The following LASP1 variants were observed in gnomAD, a reference collection of about 807,000 sequenced individuals.
LASP1 encodes LIM and SH3 domain protein 1.
In LASP1, 10 loss-of-function variants were observed where a neutral mutation model predicts 38.6. The ratio of observed to expected loss-of-function variants is 0.26; its 90% CI spans 0.16 to 0.44. The LOEUF (loss-of-function observed/expected upper bound fraction) is 0.44. Ranked by LOEUF, LASP1 falls within the 20% of genes least tolerant of loss-of-function variation. The probability of loss-of-function intolerance (pLI) is 1.00; values close to 1 mark genes in which losing one functional copy is unlikely to be tolerated. For synonymous variants in LASP1, 132 were observed against 140.8 expected (o/e 0.94, Z 0.44); for missense variants, 243 against 375.7 (o/e 0.65, Z 2.92).
intron 2 of LASP1, among the ~76,000 whole-genome samples, chr17:38,883,178 G>C (rs1017637037): frequency 6.6e-6 from 1 of 151,968 alleles, no homozygotes; most frequent in African/African-American, 2.4e-5. Context: ...AGGGTGGATC[G>C]CTTGAGGCCA....
At chr17:38,896,478 G>C (rs566043757) in intron 3 of LASP1, among the ~76,000 whole-genome samples, 5 of 152,196 alleles carry the variant, frequency 3.3e-5, no homozygotes, top group South Asian at 2.1e-4. Flanking sequence ...CAACAGGGAG[G>C]GGGAGGCAGA....
rs1915271644 is a variant in LASP1 at position 38,920,571 on chromosome 17, G to C, written c.*1793G>C. On this transcript the variant is annotated 3_prime_UTR_variant, in exon 7 of 7. Coordinates refer to ENST00000318008, the MANE Select transcript of LASP1 (RefSeq NM_006148.4). ...TCCCTTGGCACACTTGTACCCACAG[G>C]TGAGGGGCAGGACCTGAAGGTATTG... is the stretch of plus-strand genomic sequence containing the variant. The C allele has an allele frequency of 8.1e-6, 2 of 246,328 alleles. No individual in the cohort carries two copies. Among genetic ancestry groups the C allele is most frequent in the South Asian group, 2.9e-4 (2 of 6,970 alleles). 15.3% of individuals were successfully genotyped at this position (246,328 alleles called of 1,614,324 possible). A position where few individuals can be genotyped will look rare whatever the true frequency, so the allele number is the denominator to read the frequency against.
intron 1 of LASP1, among the ~76,000 whole-genome samples, chr17:38,875,926 G>A (rs1913757323): frequency 6.6e-6 from 1 of 152,118 alleles, no homozygotes; most frequent in Admixed American, 6.5e-5. Context: ...CCTTCTTTTG[G>A]AATGGGGAAT....
At position 38,902,716 on chromosome 17, in the gene LASP1, T is replaced by G. The variant is rs552997832; in HGVS notation, c.357+4197T>G. 1.6e-4 allele frequency among the ~76,000 whole-genome samples: 25 copies of G among 152,308 alleles called. No homozygotes were observed. In the South Asian group the frequency reaches 4.4e-3, roughly 27 times the overall value. On this transcript the variant is annotated intron_variant, in intron 4 of 6. Coordinates refer to ENST00000318008, the MANE Select transcript of LASP1 (RefSeq NM_006148.4). ...TATTTTTAATTTTAGTTTTATTTTA[T>G]TTTTGAGATAGAGTCTCGCTCTGTC...
chr17:38,870,399 G>A (rs1913565061), intron 1 of LASP1, 141 bp downstream of exon 1: 1 of 935,890 alleles, frequency 1.1e-6, no homozygotes, highest in Non-Finnish European at 1.6e-6. Context: ...GGTGTCATGG[G>A]GTGTGGGGAC....
Position 38,870,245 on chromosome 17 carries a change from A to ACTGT in LASP1, c.60_63dup (p.Asp22SerfsTer3). The ACTGT allele has an allele frequency of 6.2e-7, 1 of 1,613,488 alleles. No homozygotes were observed. The highest frequency in any genetic ancestry group is 8.5e-7 in the Non-Finnish European group (1 of 1,179,622). On this transcript the variant is annotated frameshift_variant, in exon 1 of 7. Coordinates refer to ENST00000318008, the MANE Select transcript of LASP1 (RefSeq NM_006148.4). LOFTEE classifies it high-confidence loss of function. ...ATCGTGTATCCCACGGAGAAGGTGA[A>ACTGT]CTGTCTGGATAAGGTGAGCCCGGGA... is the stretch of plus-strand genomic sequence containing the variant.
At chr17:38,875,056 C>CGTGTGTGTGT (rs3220064) in intron 1 of LASP1, among the ~76,000 whole-genome samples, 61 of 140,464 alleles carry the variant, frequency 4.3e-4, no homozygotes, top group East Asian at 1.8e-3. Context: ...TGTAGCCCTT[C>CGTGTGTGTGT]GTGTGTGTGT....
intron 4 of LASP1, among the ~76,000 whole-genome samples, chr17:38,906,094 G>A (rs12937571): frequency 0.62 from 94,866 of 151,896 alleles, 30,167 homozygotes; most frequent in Non-Finnish European, 0.7. Flanking sequence ...GTGAGTCTCT[G>A]ATGGGGAGCA....
intron 2 of LASP1, among the ~76,000 whole-genome samples, chr17:38,888,284 C>CT (rs112476804): frequency 0.026 from 3,681 of 144,022 alleles, 112 homozygotes; most frequent in African/African-American, 0.073. Flanking sequence ...CCTGGCGTGA[C>CT]TTTTTTTTTT....
intron 1 of LASP1, among the ~76,000 whole-genome samples, chr17:38,872,312 A>C (rs1054266960): frequency 5.3e-5 from 8 of 152,114 alleles, no homozygotes; most frequent in African/African-American, 1.9e-4. Context: ...CCTTGGAAAG[A>C]CCTTCAGTGC....
intron 2 of LASP1, among the ~76,000 whole-genome samples, chr17:38,888,372 G>T (rs954863251): frequency 1.1e-4 from 16 of 152,062 alleles, no homozygotes; most frequent in Middle Eastern, 3.4e-3. Context: ...CCACCTCCCA[G>T]GTTCAAGTGA....
intron 2 of LASP1, among the ~76,000 whole-genome samples, chr17:38,888,426 C>T (rs1464942000): frequency 1.3e-5 from 2 of 151,982 alleles, no homozygotes; most frequent in Admixed American, 6.6e-5. Context: ...TACAGCTATG[C>T]GCCACGGTGC....
At chr17:38,886,204 T>C (rs1914129317) in intron 2 of LASP1, among the ~76,000 whole-genome samples, 1 of 151,570 alleles carries the variant, frequency 6.6e-6, no homozygotes, top group Non-Finnish European at 1.5e-5. Context: ...CTCTCCTGCC[T>C]GGAGCTGAAG....
chr17:38,909,345 C>A (rs766453040), intron 4 of LASP1, among the ~76,000 whole-genome samples: 1 of 152,152 alleles, frequency 6.6e-6, no homozygotes, highest in Non-Finnish European at 1.5e-5. Context: ...CGGTGGCTCA[C>A]GGCTGTAATC....
chr17:38,899,446 G>C (rs1402696156), intron 4 of LASP1, among the ~76,000 whole-genome samples: 1 of 152,164 alleles, frequency 6.6e-6, no homozygotes, highest in Non-Finnish European at 1.5e-5. Context: ...CACTCCCTGG[G>C]CTCCACATCC....
intron 2 of LASP1, 75 bp downstream of exon 2, chr17:38,878,255 A>G: frequency 1.0e-6 from 1 of 956,190 alleles, no homozygotes. Flanking sequence ...CTTTCCTTCC[A>G]ATAACCGCAA....
chr17:38,919,938 G>A lies in LASP1; in HGVS notation c.*1160G>A, dbSNP rs1466206257. 1.7e-5 allele frequency: 9 copies of A among 533,000 alleles called. No individual in the cohort carries two copies. Among genetic ancestry groups the A allele is most frequent in the Non-Finnish European group, 2.9e-5 (8 of 275,512 alleles). The allele number at this position is 533,000 out of a possible 1,614,324, so 33.0% of individuals were successfully genotyped here. On this transcript the variant is annotated 3_prime_UTR_variant, in exon 7 of 7. Transcript: ENST00000318008. ...GGTGTCTCTGGGCCTGTGTGTGGGT[G>A]GGGTTATGTGAGGGTATGAAGAGCT...
At chr17:38,901,535 C>T (rs1035737589) in intron 4 of LASP1, among the ~76,000 whole-genome samples, 18 of 152,314 alleles carry the variant, frequency 1.2e-4, no homozygotes, top group Admixed American at 7.8e-4. Context: ...AGCACAGTCA[C>T]CTGTAGGGTT....
chr17:38,871,505 AG>A (rs1913608983), intron 1 of LASP1, among the ~76,000 whole-genome samples: 2 of 151,976 alleles, frequency 1.3e-5, no homozygotes, highest in South Asian at 4.2e-4. Flanking sequence ...GAGAGGTGCA[AG>A]GGTGGGAACA....
Sources: gnomAD v4.1 joint callset for allele counts (sites outside exome capture counted in the v4.1 genomes callset) on GRCh38, gnomAD v4.1.1 for gene constraint, MANE v1.5 for transcripts, NCBI Gene and HGNC (gene_info 2026-07-23, HGNC 2026-07-21) for gene names.